Variants in BZW2 observed in about 807,000 individuals in gnomAD.
The protein encoded by BZW2 is basic leucine zipper and W2 domains 2, also known as eIF5-mimic protein 1.
A neutral mutation model predicts 53.2 loss-of-function variants in BZW2; 23 were observed. That is an observed-to-expected ratio of 0.43 (90% CI 0.31 to 0.61). The LOEUF is 0.61. Among genes scored for constraint, BZW2 ranks in the 20% least tolerant of loss-of-function variants. The probability of loss-of-function intolerance (pLI) is 0.09; values close to 1 mark genes in which losing one functional copy is unlikely to be tolerated. For missense variants in BZW2, 409 were observed against 503.1 expected (o/e 0.81, Z 1.79); for synonymous variants, 227 against 186.4 (o/e 1.22, Z -1.77).
In BZW2 at chr7:16,686,649, C is replaced by T. The variant is rs1783135154; in HGVS notation, c.541+609C>T. ...GGATAATGATAGTCAAATTACAATG[C>T]AACACAAAACAGTTATTTTTCCTTA... On this transcript the variant is annotated intron_variant, in intron 6 of 11. Transcript: ENST00000258761. 3 of 152,236 alleles carry T rather than the reference C, an allele frequency of 2.0e-5. No homozygotes were observed. The South Asian group carries it at 6.2e-4, about 32-fold the overall frequency. 9.4% of individuals were successfully genotyped at this position (152,236 alleles called of 1,614,324 possible). A position where few individuals can be genotyped will look rare whatever the true frequency, so the allele number is the denominator to read the frequency against.
intron 2 of BZW2, among the ~76,000 whole-genome samples, chr7:16,672,575 G>A (rs1300713836): frequency 6.6e-6 from 1 of 151,718 alleles, no homozygotes; most frequent in Non-Finnish European, 1.5e-5. Context: ...GAAGTTTTGG[G>A]TTCATCCTTT....
intron 2 of BZW2, 104 bp downstream of exon 2, chr7:16,665,605 A>G: frequency 6.5e-7 from 1 of 1,532,118 alleles, no homozygotes; most frequent in Non-Finnish European, 8.8e-7. Context: ...CACTGATTCT[A>G]CTCATTTGAG....
chr7:16,685,876 CT>C (rs34699573), intron 5 of BZW2, 28 bp from the exon 6 acceptor site: 164,456 of 1,230,284 alleles, frequency 0.13, 9 homozygotes, highest in Non-Finnish European at 0.15. Flanking sequence ...TTTTCTTTTT[CT>C]TTTTTTTTTT....
chr7:16,669,109 T>A (rs1782523005), intron 2 of BZW2, among the ~76,000 whole-genome samples: 1 of 152,172 alleles, frequency 6.6e-6, no homozygotes, highest in African/African-American at 2.4e-5. Context: ...CCCTGAGACT[T>A]TAGCTCTGTA....
intron 6 of BZW2, among the ~76,000 whole-genome samples, chr7:16,687,914 T>C (rs1002877025): frequency 2.0e-5 from 3 of 152,160 alleles, no homozygotes; most frequent in Non-Finnish European, 4.4e-5. Context: ...TGTTAATTTA[T>C]ATTAAATTTT....
rs142379423 is a variant in BZW2, at chr7:16,662,840, G to A, written c.-7-2597G>A. 4.4e-4 allele frequency among the ~76,000 whole-genome samples: 67 copies of A among 152,268 alleles called. No homozygotes were observed. The East Asian group carries it at 0.013, about 28-fold the overall frequency. On this transcript the variant is annotated intron_variant, in intron 1 of 11. Coordinates refer to ENST00000258761, the MANE Select transcript of BZW2 (RefSeq NM_014038.3). Reference sequence around the variant, plus strand: ...GAAAGAAAGAAGAAAAACATCTTTGGCAGAGAAGTCTGCTGGAGAGATTTC... The same window carrying A: ...GAAAGAAAGAAGAAAAACATCTTTGACAGAGAAGTCTGCTGGAGAGATTTC...
intron 4 of BZW2, 142 bp downstream of exon 4, chr7:16,681,546 A>C: frequency 1.4e-6 from 1 of 697,754 alleles, no homozygotes; most frequent in Non-Finnish European, 2.3e-6. Context: ...AACTACAAAA[A>C]TAGGCCTAGC....
chr7:16,665,781 A>G (rs1405061006), intron 2 of BZW2, among the ~76,000 whole-genome samples: 1 of 152,220 alleles, frequency 6.6e-6, no homozygotes, highest in Non-Finnish European at 1.5e-5. Context: ...GATAAATTTT[A>G]CTGGTTTTGA....
At position 16,689,852 on chromosome 7, in the gene BZW2, T is replaced by TG; in HGVS notation, c.598dup (p.Ala200GlyfsTer19). The TG allele has an allele frequency of 6.2e-7, 1 of 1,612,334 alleles. No individual in the cohort carries two copies. Among genetic ancestry groups the TG allele is most frequent in the Non-Finnish European group, 8.5e-7 (1 of 1,179,140 alleles). The stretch of plus-strand genomic sequence containing the variant: ...TCAAAGCATGGATGGCAGAAAAAGA[T>TG]GCCAACTCTGTTACCTCGTCTTTGA... On this transcript the variant is annotated frameshift_variant, in exon 7 of 12. Coordinates refer to ENST00000258761, the MANE Select transcript of BZW2 (RefSeq NM_014038.3). LOFTEE classifies it high-confidence loss of function.
At chr7:16,699,587 G>T (rs1783606296) in intron 10 of BZW2, among the ~76,000 whole-genome samples, 1 of 152,090 alleles carries the variant, frequency 6.6e-6, no homozygotes, top group Non-Finnish European at 1.5e-5. Flanking sequence ...TCATATAAAA[G>T]ATAACCCAAC....
rs1271212523 is a variant in BZW2 at position 16,682,823 on chromosome 7, C to T, written c.383C>T (p.Ala128Val). ...LIRRYKYLEKAFEDEMKKLLL... is the reference protein window; with the variant it reads ...LIRRYKYLEKVFEDEMKKLLL... Reference sequence around the variant, plus strand: ...AGGAGATATAAGTATTTGGAGAAGGCATTTGAAGATGAAATGAAAAAGGTA... The same window carrying T: ...AGGAGATATAAGTATTTGGAGAAGGTATTTGAAGATGAAATGAAAAAGGTA... The change falls in exon 5 of 12, where the codon GCA (alanine) becomes GTA (valine). Residue 128 changes from alanine to valine, a missense_variant. Transcript: ENST00000258761. The T allele has an allele frequency of 6.3e-7, 1 of 1,576,564 alleles. No individual in the cohort carries two copies. The highest frequency in any genetic ancestry group is 1.1e-5 in the South Asian group (1 of 88,350).
intron 11 of BZW2, among the ~76,000 whole-genome samples, chr7:16,704,872 G>A (rs1363617314): frequency 4.6e-5 from 7 of 152,134 alleles, no homozygotes; most frequent in Non-Finnish European, 8.8e-5. Context: ...AACAAAGAAA[G>A]AAATGAAATG....
intron 10 of BZW2, among the ~76,000 whole-genome samples, chr7:16,700,286 G>T (rs1783626552): frequency 6.6e-6 from 1 of 152,116 alleles, no homozygotes; most frequent in African/African-American, 2.4e-5. Context: ...AGGAATGATT[G>T]TTCCATACCA....
At chr7:16,690,580 T>G (rs1470688678) in intron 7 of BZW2, among the ~76,000 whole-genome samples, 1 of 152,190 alleles carries the variant, frequency 6.6e-6, no homozygotes, top group Non-Finnish European at 1.5e-5. Flanking sequence ...ATCAAATACT[T>G]GTGATGTCTG....
intron 2 of BZW2, among the ~76,000 whole-genome samples, chr7:16,673,963 T>C (rs61246424): frequency 0.028 from 2,576 of 92,410 alleles, 78 homozygotes; most frequent in African/African-American, 0.069. Context: ...GCAATGGCAC[T>C]GTCTCTGCTC....
intron 1 of BZW2, among the ~76,000 whole-genome samples, chr7:16,660,124 T>C (rs1782216193): frequency 6.6e-6 from 1 of 151,956 alleles, no homozygotes; most frequent in Non-Finnish European, 1.5e-5. Flanking sequence ...AGAATGATGG[T>C]TTCCAGCTTC....
rs774018310 is a variant in BZW2 at position 16,665,512 on chromosome 7, T to C, written c.58+11T>C. On this transcript the variant is annotated intron_variant, in intron 2 of 11. Coordinates refer to ENST00000258761, the MANE Select transcript of BZW2 (RefSeq NM_014038.3). ...AAACTCGGAAAAGGGGTAGGTTGTG[T>C]GTGTGTGTGTGTGTGTGTTTAAAGT... The C allele has an allele frequency of 6.2e-7, 1 of 1,602,554 alleles. No homozygotes were observed. Among genetic ancestry groups the C allele is most frequent in the Non-Finnish European group, 8.5e-7 (1 of 1,170,294 alleles).
intron 2 of BZW2, among the ~76,000 whole-genome samples, chr7:16,674,169 G>A (rs1344250561): frequency 1.3e-5 from 2 of 152,130 alleles, no homozygotes; most frequent in Non-Finnish European, 2.9e-5. Context: ...CAAAGTGCTG[G>A]GATTACAGGC....
chr7:16,668,841 T>C (rs1270829747), intron 2 of BZW2, among the ~76,000 whole-genome samples: 3 of 152,260 alleles, frequency 2.0e-5, no homozygotes, highest in Admixed American at 2.0e-4. Flanking sequence ...TCAGATTCTC[T>C]TTTCCTTTAT....
Sources: gnomAD v4.1 joint callset for allele counts (sites outside exome capture counted in the v4.1 genomes callset) on GRCh38, gnomAD v4.1.1 for gene constraint, MANE v1.5 for transcripts, NCBI Gene and HGNC (gene_info 2026-07-23, HGNC 2026-07-21) for gene names.